CABLES1: variants seen among roughly 807,000 people sequenced by gnomAD.
CABLES1 encodes Cdk5 and Abl enzyme substrate 1.
In CABLES1, 36 loss-of-function variants were observed where a neutral mutation model predicts 57.8. The ratio of observed to expected loss-of-function variants is 0.62; its 90% CI spans 0.48 to 0.82. CABLES1 has a LOEUF of 0.82. CABLES1 is among the 40% of genes least tolerant of loss of function. The pLI is 0.00. For missense variants in CABLES1, 767 were observed against 836.6 expected (o/e 0.92, Z 1.03); for synonymous variants, 374 against 363.0 (o/e 1.03, Z -0.35).
chr18:23,159,244 C>T (rs146859944), intron 1 of CABLES1, among the ~76,000 whole-genome samples: 3,758 of 152,308 alleles, frequency 0.025, 151 homozygotes, highest in African/African-American at 0.085. Context: ...GGATTACAGG[C>T]GTGAGCCACT....
intron 3 of CABLES1, among the ~76,000 whole-genome samples, chr18:23,210,455 T>G (rs924971923): frequency 1.9e-4 from 29 of 152,214 alleles, no homozygotes; most frequent in Admixed American, 1.8e-3. Context: ...TCTGATTGAA[T>G]TATTTCTCAA....
intron 3 of CABLES1, among the ~76,000 whole-genome samples, chr18:23,198,823 A>G (rs2047303399): frequency 6.6e-6 from 1 of 152,242 alleles, no homozygotes; most frequent in South Asian, 2.1e-4. Context: ...TTTTAGCTCC[A>G]TGAGTCCCAT....
At chr18:23,142,655 G>A (rs1198379125) in intron 1 of CABLES1, among the ~76,000 whole-genome samples, 2 of 152,212 alleles carry the variant, frequency 1.3e-5, no homozygotes, top group East Asian at 1.9e-4. Flanking sequence ...AACACAATGA[G>A]TATCAATCAT....
chr18:23,188,056 C>G (rs570801652), intron 1 of CABLES1, among the ~76,000 whole-genome samples: 1 of 152,348 alleles, frequency 6.6e-6, no homozygotes, highest in South Asian at 2.1e-4. Flanking sequence ...AAATCATTTA[C>G]TATCAAATGA....
intron 7 of CABLES1, among the ~76,000 whole-genome samples, chr18:23,241,796 G>A (rs1036629934): frequency 4.6e-5 from 7 of 152,090 alleles, no homozygotes; most frequent in Admixed American, 3.3e-4. Flanking sequence ...AAGGCCCCTC[G>A]TCGCCACAGT....
At chr18:23,147,149 C>G (rs2046896479) in intron 1 of CABLES1, among the ~76,000 whole-genome samples, 1 of 152,292 alleles carries the variant, frequency 6.6e-6, no homozygotes, top group East Asian at 1.9e-4. Context: ...AACAACAGCT[C>G]TCTCCAGATA....
chr18:23,158,931 G>A (rs1011839037), intron 1 of CABLES1, among the ~76,000 whole-genome samples: 1 of 152,192 alleles, frequency 6.6e-6, no homozygotes, highest in Non-Finnish European at 1.5e-5. Context: ...ATCTGGTAGA[G>A]ATGCTAGCAA....
At chr18:23,170,500 G>A (rs919359927) in intron 1 of CABLES1, among the ~76,000 whole-genome samples, 4 of 152,262 alleles carry the variant, frequency 2.6e-5, no homozygotes, top group African/African-American at 7.2e-5. Context: ...CTCCAGCAGC[G>A]TGTGCATGGG....
At chr18:23,204,994 C>T (rs1283993068) in intron 3 of CABLES1, among the ~76,000 whole-genome samples, 1 of 152,164 alleles carries the variant, frequency 6.6e-6, no homozygotes, top group African/African-American at 2.4e-5. Flanking sequence ...TAATCTTCTG[C>T]TTAGCCTGGG....
intron 1 of CABLES1, among the ~76,000 whole-genome samples, chr18:23,164,059 A>G (rs1327988548): frequency 6.6e-6 from 1 of 152,208 alleles, no homozygotes; most frequent in Non-Finnish European, 1.5e-5. Context: ...CTACTGTGCC[A>G]TGCTGTGCTT....
Position 23,217,302 on chromosome 18 carries a change from C to G in CABLES1, c.1088+3248C>G, listed in dbSNP as rs555644396. On this transcript the variant is annotated intron_variant, in intron 4 of 9. Coordinates refer to ENST00000256925, the MANE Select transcript of CABLES1 (RefSeq NM_001100619.3). Reference sequence around the variant, plus strand: ...CTCGCCATGTTGCCCAGACTGGTCTCAAACTCCTGGACTCAAGTGATCCTC... The same window carrying G: ...CTCGCCATGTTGCCCAGACTGGTCTGAAACTCCTGGACTCAAGTGATCCTC... 5.8e-4 allele frequency among the ~76,000 whole-genome samples: 88 copies of G among 152,264 alleles called. 1 individual carries two copies. The highest frequency in any genetic ancestry group is 2.1e-3 in the African/African-American group (87 of 41,534).
chr18:23,204,162 C>T (rs549786589), intron 3 of CABLES1, among the ~76,000 whole-genome samples: 39 of 152,266 alleles, frequency 2.6e-4, no homozygotes, highest in Admixed American at 1.8e-3. Context: ...GTGGCGGAAG[C>T]GGGGAGAGAA....
At chr18:23,184,908 A>G (rs2047191948) in intron 1 of CABLES1, among the ~76,000 whole-genome samples, 1 of 152,034 alleles carries the variant, frequency 6.6e-6, no homozygotes, top group African/African-American at 2.4e-5. Flanking sequence ...CCCATTCATG[A>G]GGGCTCCACT....
At chr18:23,158,348 A>G (rs190284395) in intron 1 of CABLES1, among the ~76,000 whole-genome samples, 8 of 152,254 alleles carry the variant, frequency 5.3e-5, no homozygotes, top group East Asian at 1.9e-4. Context: ...ATGAGACTTA[A>G]TGAATTTATA....
chr18:23,143,432 C>T (rs759010032), intron 1 of CABLES1, among the ~76,000 whole-genome samples: 12 of 152,336 alleles, frequency 7.9e-5, no homozygotes, highest in Admixed American at 2.0e-4. Context: ...GCTGGGTCCT[C>T]GTCTGTGAAA....
chr18:23,137,610 T>C (rs2144943700), intron 1 of CABLES1, among the ~76,000 whole-genome samples: 1 of 152,364 alleles, frequency 6.6e-6, no homozygotes, highest in South Asian at 2.1e-4. Context: ...TGACTTTCTC[T>C]GCTAGAATTT....
At chr18:23,203,192 T>G (rs2047338697) in intron 3 of CABLES1, among the ~76,000 whole-genome samples, 1 of 152,124 alleles carries the variant, frequency 6.6e-6, no homozygotes, top group Admixed American at 6.5e-5. Context: ...CTTTACTGGG[T>G]GTCCTTTTGA....
intron 7 of CABLES1, among the ~76,000 whole-genome samples, chr18:23,248,680 G>A (rs1189422193): frequency 6.6e-6 from 1 of 151,820 alleles, no homozygotes; most frequent in Non-Finnish European, 1.5e-5. Context: ...ATACAGCTGG[G>A]TGGGTGTGGT....
intron 2 of CABLES1, 175 bp downstream of exon 2, chr18:23,189,084 A>G: frequency 1.8e-6 from 1 of 556,722 alleles, no homozygotes; most frequent in Non-Finnish European, 3.2e-6. Flanking sequence ...CACTAGAACT[A>G]AACAACGTTA....
Sources: allele counts gnomAD v4.1 joint callset (sites outside exome capture counted in the v4.1 genomes callset), GRCh38; gene constraint gnomAD v4.1.1; transcripts MANE v1.5; gene names NCBI Gene and HGNC (gene_info 2026-07-23, HGNC 2026-07-21).